Variants in TSHZ2 observed in about 807,000 individuals in gnomAD.
TSHZ2 encodes teashirt homolog 2.
TSHZ2 carries 21 observed loss-of-function variants against 74.4 expected under a neutral mutation model. The observed-to-expected ratio is 0.28, with a 90% CI of 0.20 to 0.41. TSHZ2 has a LOEUF of 0.41. Among genes scored for constraint, TSHZ2 ranks in the 10% least tolerant of loss-of-function variants. The probability of loss-of-function intolerance (pLI) is 1.00; values close to 1 mark genes in which losing one functional copy is unlikely to be tolerated. For missense variants in TSHZ2, 1,244 were observed against 1,293.5 expected, an observed-to-expected ratio of 0.96 and a Z score of 0.59; for synonymous variants, 540 against 515.3, an observed-to-expected ratio of 1.05 and a Z score of -0.65.
At chr20:53,111,012 G>A (rs1051542483) in intron 1 of TSHZ2, among the ~76,000 whole-genome samples, 6 of 152,200 alleles carry the variant, frequency 3.9e-5, no homozygotes, top group Non-Finnish European at 1.5e-5. Flanking sequence ...CTATCTATCT[G>A]TGGTTTTCAA....
At chr20:53,026,853 T>G (rs1433197977) in intron 1 of TSHZ2, among the ~76,000 whole-genome samples, 2 of 152,194 alleles carry the variant, frequency 1.3e-5, no homozygotes, top group African/African-American at 4.8e-5. Flanking sequence ...AAAATCAATT[T>G]CAGGCTGGGC....
rs541325315 is a variant in TSHZ2, at chr20:53,132,612, C to T, written c.41-120887C>T. On this transcript the variant is annotated intron_variant, in intron 1 of 2. Coordinates refer to ENST00000371497, the MANE Select transcript of TSHZ2 (RefSeq NM_173485.6). Reference sequence around the variant, plus strand: ...TAATTTTTTTTGTCCTCAAATAAAACGCTAATCTTAGAAAACCACAAAGGT... The same window carrying T: ...TAATTTTTTTTGTCCTCAAATAAAATGCTAATCTTAGAAAACCACAAAGGT... Among the ~76,000 whole-genome samples the T allele has an allele frequency of 1.2e-4, 18 of 152,212 alleles. No homozygotes were observed. In the South Asian group the frequency reaches 1.9e-3, roughly 16 times the overall value.
intron 1 of TSHZ2, among the ~76,000 whole-genome samples, chr20:52,977,421 TACACACACACACACACACACAC>T (rs36230826): frequency 0.06 from 8,508 of 141,476 alleles, 836 homozygotes; most frequent in East Asian, 0.48. Context: ...AATGGAAAAA[TACACACACACACACACACACAC>T]ACACACACAC....
intron 1 of TSHZ2, among the ~76,000 whole-genome samples, chr20:53,044,634 G>T (rs1464163737): frequency 6.6e-6 from 1 of 152,186 alleles, no homozygotes; most frequent in Non-Finnish European, 1.5e-5. Flanking sequence ...AAGTCACAGA[G>T]TTCTTGGACC....
intron 1 of TSHZ2, among the ~76,000 whole-genome samples, chr20:53,123,799 G>T (rs1161735239): frequency 6.6e-6 from 1 of 152,124 alleles, no homozygotes; most frequent in South Asian, 2.1e-4. Flanking sequence ...TTTGTGTAGG[G>T]CCAGAGCCTG....
At chr20:53,304,402 GGTAATTCAAAA>G (rs1978434722) in intron 2 of TSHZ2, among the ~76,000 whole-genome samples, 1 of 151,704 alleles carries the variant, frequency 6.6e-6, no homozygotes, top group Non-Finnish European at 1.5e-5. Flanking sequence ...CGTACTGTGG[GGTAATTCAAAA>G]GTCCAGTCTT....
chr20:53,410,564 T>C (rs2145696132), intron 2 of TSHZ2, among the ~76,000 whole-genome samples: 1 of 150,512 alleles, frequency 6.6e-6, no homozygotes, highest in East Asian at 1.9e-4. Flanking sequence ...AGAAGAAGTT[T>C]GGGAATTCTG....
chr20:53,076,727 A>G (rs1293468499), intron 1 of TSHZ2, among the ~76,000 whole-genome samples: 1 of 152,236 alleles, frequency 6.6e-6, no homozygotes, highest in African/African-American at 2.4e-5. Context: ...TTTGCTGACA[A>G]CATGAGGCAG....
intron 1 of TSHZ2, among the ~76,000 whole-genome samples, chr20:52,976,693 A>G (rs1981352094): frequency 6.6e-6 from 1 of 152,158 alleles, no homozygotes. Context: ...AATAATACGT[A>G]TTTTATTTCA....
intron 1 of TSHZ2, among the ~76,000 whole-genome samples, chr20:53,213,583 G>A (rs535118968): frequency 6.6e-6 from 1 of 152,164 alleles, no homozygotes; most frequent in South Asian, 2.1e-4. Flanking sequence ...CAGAGAGAGA[G>A]AAAGAGAGAG....
chr20:53,407,039 TCACCAGGGAAA>T (rs1982878387), intron 2 of TSHZ2, among the ~76,000 whole-genome samples: 1 of 152,162 alleles, frequency 6.6e-6, no homozygotes, highest in Non-Finnish European at 1.5e-5. Context: ...CAGAAAATGT[TCACCAGGGAAA>T]CACAGCAGTG....
intron 1 of TSHZ2, among the ~76,000 whole-genome samples, chr20:53,068,715 A>G (rs1338854448): frequency 6.6e-6 from 1 of 152,220 alleles, no homozygotes; most frequent in Admixed American, 6.5e-5. Context: ...GATTTCATAA[A>G]TGCTAAATTA....
chr20:53,154,639 A>C (rs2123448583), intron 1 of TSHZ2, among the ~76,000 whole-genome samples: 1 of 152,288 alleles, frequency 6.6e-6, no homozygotes, highest in African/African-American at 2.4e-5. Flanking sequence ...TGTCTTTGAA[A>C]TCTGAATGCA....
intron 1 of TSHZ2, among the ~76,000 whole-genome samples, chr20:53,121,379 T>C (rs1229067202): frequency 6.6e-6 from 1 of 152,174 alleles, no homozygotes; most frequent in Non-Finnish European, 1.5e-5. Flanking sequence ...GGGCAAGATA[T>C]ATATAGCCTT....
chr20:53,388,815 T>G (rs1481181858), intron 2 of TSHZ2, among the ~76,000 whole-genome samples: 1 of 152,066 alleles, frequency 6.6e-6, no homozygotes, highest in Admixed American at 6.6e-5. Context: ...ACTCCTGACC[T>G]CAAGTGATCT....
chr20:53,407,463 T>C (rs1982893452), intron 2 of TSHZ2, among the ~76,000 whole-genome samples: 1 of 152,200 alleles, frequency 6.6e-6, no homozygotes, highest in African/African-American at 2.4e-5. Flanking sequence ...TGCAAATGGG[T>C]TATGGACAGG....
At position 53,495,179 on chromosome 20, in the gene TSHZ2, T is replaced by G. The variant is rs1045334140; in HGVS notation, c.*8044T>G. 1 of 152,282 alleles carries G rather than the reference T, an allele frequency of 6.6e-6. No individual in the cohort carries two copies. The highest frequency in any genetic ancestry group is 2.1e-4 in the South Asian group (1 of 4,826). The allele number at this position is 152,282 out of a possible 1,614,324, so 9.4% of individuals were successfully genotyped here. On this transcript the variant is annotated 3_prime_UTR_variant, in exon 3 of 3. Transcript: ENST00000371497. Reference sequence around the variant, plus strand: ...AAAAAACACAGATGCACTTAAAACATGAAAAGAATTATTTATATGATAAAA... The same window carrying G: ...AAAAAACACAGATGCACTTAAAACAGGAAAAGAATTATTTATATGATAAAA...
chr20:53,163,866 GT>G (rs1421663429), intron 1 of TSHZ2, among the ~76,000 whole-genome samples: 1 of 152,166 alleles, frequency 6.6e-6, no homozygotes, highest in Non-Finnish European at 1.5e-5. Flanking sequence ...GTTGTTGTTA[GT>G]TGCTGGATTT....
chr20:53,443,478 G>A (rs985791339), intron 2 of TSHZ2, among the ~76,000 whole-genome samples: 7 of 152,322 alleles, frequency 4.6e-5, no homozygotes, highest in African/African-American at 7.2e-5. Flanking sequence ...CATGAAGGAA[G>A]AAAGAGATGT....
Sources: allele counts gnomAD v4.1 joint callset (sites outside exome capture counted in the v4.1 genomes callset), GRCh38; gene constraint gnomAD v4.1.1; transcripts MANE v1.5; gene names NCBI Gene and HGNC (gene_info 2026-07-23, HGNC 2026-07-21).